Variants in AGRN observed in about 807,000 individuals in gnomAD.
AGRN encodes agrin, also known as agrin proteoglycan.
A neutral mutation model predicts 211.0 loss-of-function variants in AGRN; 106 were observed. The ratio of observed to expected loss-of-function variants is 0.50; its 90% CI spans 0.43 to 0.59. AGRN has a LOEUF of 0.59. Ranked by LOEUF, AGRN falls within the 20% of genes least tolerant of loss-of-function variation. The pLI is 0.00. For synonymous variants in AGRN, 1,525 were observed against 1,332.5 expected (o/e 1.14, Z -3.15); for missense variants, 3,040 against 2,982.6 (o/e 1.02, Z -0.45).
intron 2 of AGRN, among the ~76,000 whole-genome samples, chr1:1,026,826 C>T (rs1034076024): frequency 6.6e-6 from 1 of 152,218 alleles, no homozygotes; most frequent in Non-Finnish European, 1.5e-5. Context: ...TGAGATATCA[C>T]CCCATGGACA....
chr1:1,050,744 C>T lies in AGRN; in HGVS notation c.5160C>T (p.Thr1720=), dbSNP rs758276484. ...AAVIRSREPV[T]LGAWTRVSLE... is the part of the protein sequence containing the mutation. ...TCACCAGGAGCAGGGAGCCAGTCAC[C>T]CTGGGAGCCTGGACCAGGGTCTCAC... The change falls in exon 30 of 36, where the codon ACC becomes ACT. Residue 1720 remains threonine, a synonymous_variant. Coordinates refer to ENST00000379370, the MANE Select transcript of AGRN (RefSeq NM_198576.4). The T allele has an allele frequency of 1.4e-5, 22 of 1,602,936 alleles. No individual in the cohort carries two copies. Among genetic ancestry groups the T allele is most frequent in the Admixed American group, 1.7e-5 (1 of 59,072 alleles).
intron 33 of AGRN, chr1:1,052,872 TGG>T (rs1328193925): frequency 2.6e-5 from 4 of 155,398 alleles, no homozygotes; most frequent in African/African-American, 9.9e-5. Flanking sequence ...TGTGTATATG[TGG>T]GGGAGACAGG....
At chr1:1,054,740 GC>G in intron 35 of AGRN, 83 bp from the exon 36 acceptor site, 1 of 1,522,616 alleles carries the variant, frequency 6.6e-7, no homozygotes, top group Non-Finnish European at 8.8e-7. Flanking sequence ...CCAGGTGTGG[GC>G]CCCCTGCTGG....
chr1:1,043,781 AGCCTGG>A, intron 9 of AGRN, 36 bp from the exon 10 acceptor site: 3 of 1,606,328 alleles, frequency 1.9e-6, no homozygotes, highest in Non-Finnish European at 2.5e-6. Flanking sequence ...TGCCTCCCTC[AGCCTGG>A]GCCTGCCGAC....
At chr1:1,040,395 G>A (rs920963227) in intron 3 of AGRN, among the ~76,000 whole-genome samples, 3 of 152,178 alleles carry the variant, frequency 2.0e-5, no homozygotes, top group Non-Finnish European at 4.4e-5. Flanking sequence ...TGCGGCAGAC[G>A]CCCCTCTCCG....
At chr1:1,022,580 C>G in intron 2 of AGRN, 118 bp downstream of exon 2, 1 of 466,278 alleles carries the variant, frequency 2.1e-6, no homozygotes, top group Non-Finnish European at 3.1e-6. Flanking sequence ...CTGCAGCACA[C>G]GGTGTCTTGT....
In AGRN at chr1:1,044,423, C is replaced by T; in HGVS notation, c.2238C>T (p.Ala746=). The T allele has an allele frequency of 6.2e-7, 1 of 1,610,572 alleles. No homozygotes were observed. The highest frequency in any genetic ancestry group is 8.5e-7 in the Non-Finnish European group (1 of 1,178,846). ...CACAGCGAGGGCTCTACGTAGCGGC[C>T]CAGGGAGCCTGCCGAGGTGAGCCGG... is the stretch of plus-strand genomic sequence containing the variant. ...CESQRGLYVA[A]QGACRGPTFA... The change falls in exon 12 of 36, where the codon GCC becomes GCT. Residue 746 remains alanine, a synonymous_variant. Transcript: ENST00000379370.
intron 7 of AGRN, among the ~76,000 whole-genome samples, chr1:1,042,507 A>G (rs1013878176): frequency 2.6e-5 from 4 of 152,136 alleles, no homozygotes; most frequent in Non-Finnish European, 5.9e-5. Flanking sequence ...CTCTTGGGAC[A>G]TGGGCAGCCG....
intron 2 of AGRN, among the ~76,000 whole-genome samples, chr1:1,027,962 G>GC (rs1644556078): frequency 1.3e-5 from 2 of 152,266 alleles, no homozygotes; most frequent in Admixed American, 1.3e-4. Context: ...GCCCACGGCC[G>GC]CCCCGGCCCA....
In AGRN at chr1:1,049,328, G is replaced by A. The variant is rs1160727997; in HGVS notation, c.4391G>A (p.Arg1464His). 6.3e-7 allele frequency: 1 copy of A among 1,598,068 alleles called. No homozygotes were observed. The highest frequency in any genetic ancestry group is 8.5e-7 in the Non-Finnish European group (1 of 1,179,434). ...WHRLELSRHW[R>H]RGTLSVDGET... is the part of the protein sequence containing the mutation. Reference sequence around the variant, plus strand: ...CGCCTGGAGCTGTCCCGGCACTGGCGCCGGGGCACCCTCTCGGTGGATGGT... The same window carrying A: ...CGCCTGGAGCTGTCCCGGCACTGGCACCGGGGCACCCTCTCGGTGGATGGT... Residue 1464 changes from arginine to histidine, a missense_variant, in exon 25 of 36, where the codon CGC becomes CAC. By Grantham distance (29) the Arg-to-His change is conservative. This residue lies in a region of AGRN where 1,537 missense variants were observed against 1,505.0 expected (regional missense o/e 1.02). Transcript: ENST00000379370.
At chr1:1,037,165 G>A (rs1222672253) in intron 3 of AGRN, among the ~76,000 whole-genome samples, 1 of 152,182 alleles carries the variant, frequency 6.6e-6, no homozygotes, top group Non-Finnish European at 1.5e-5. Flanking sequence ...GCTGGGGCCG[G>A]GCAGGGCCAG....
In AGRN at chr1:1,034,105, C is replaced by T. The variant is rs895713611; in HGVS notation, c.464-1172C>T. The stretch of plus-strand genomic sequence containing the variant: ...CTCCCGACGCGGCCGCCCCTCCTGC[C>T]TGCCCGCTCCTATCGCCGCTTCCGC... On this transcript the variant is annotated intron_variant, in intron 2 of 35. Transcript: ENST00000379370. The T allele has an allele frequency of 6.1e-6, 6 of 984,942 alleles. No individual in the cohort carries two copies. The African/African-American group carries it at 8.7e-5, about 14-fold the overall frequency. The allele number at this position is 984,942 out of a possible 1,614,324, so 61.0% of individuals were successfully genotyped here. A position where few individuals can be genotyped will look rare whatever the true frequency, so the allele number is the denominator to read the frequency against.
rs909356011 is a variant in AGRN at position 1,051,506 on chromosome 1, G to A, written c.5424G>A (p.Val1808=). ...CCCCGGAGCACGTGCTGCGGCAGGT[G>A]GACGTCACGTCCTTTGCAGGTCACC... ...LLTPEHVLRQ[V]DVTSFAGHPC... Residue 1808 remains valine, a synonymous_variant, in exon 32 of 36, where the codon GTG becomes GTA. Transcript: ENST00000379370. 2 of 1,566,882 alleles carry A rather than the reference G, an allele frequency of 1.3e-6. No homozygotes were observed. The highest frequency in any genetic ancestry group is 1.7e-6 in the Non-Finnish European group (2 of 1,159,184).
chr1:1,041,520 G>T lies in AGRN; in HGVS notation c.995G>T (p.Arg332Leu), dbSNP rs762223640. 3.1e-6 allele frequency: 5 copies of T among 1,602,074 alleles called. No individual in the cohort carries two copies. The Admixed American group carries it at 5.0e-5, about 16-fold the overall frequency. Residue 332 changes from arginine (R) to leucine (L), a missense_variant, in exon 6 of 36, where the codon CGT becomes CTT. By Grantham distance (102) the Arg-to-Leu change is moderately radical. Around this residue, in one of 3 missense-constraint regions of AGRN, gnomAD observed 1,498 missense variants for 1,457.8 expected, o/e 1.03. Transcript: ENST00000379370. ...CTCCCTGACCCGAGCCGCAGCTGCC[G>T]TGTGAACCCGCGCACGCGGCGCCCT... ...GALPDPSRSCRVNPRTRRPEM... is the reference protein window; with the variant it reads ...GALPDPSRSCLVNPRTRRPEM...
At chr1:1,034,570 G>GCTGGCGCGGGACACCCGGCAGCCGC in intron 2 of AGRN, 1 of 986,408 alleles carries the variant, frequency 1.0e-6, no homozygotes, top group Non-Finnish European at 1.2e-6. Flanking sequence ...CTCCGCTGCC[G>GCTGGCGCGGGACACCCGGCAGCCGC]CTGGCGCGGG....
At chr1:1,025,301 G>A (rs144619388) in intron 2 of AGRN, among the ~76,000 whole-genome samples, 2,354 of 152,226 alleles carry the variant, frequency 0.015, 52 homozygotes, top group African/African-American at 0.054. Context: ...GTATTCCGGC[G>A]TGTGCACCCT....
At chr1:1,027,486 C>G (rs1644545825) in intron 2 of AGRN, among the ~76,000 whole-genome samples, 1 of 152,192 alleles carries the variant, frequency 6.6e-6, no homozygotes, top group Non-Finnish European at 1.5e-5. Context: ...CCTCAGCTTG[C>G]TGTTGGTTGT....
Position 1,043,962 on chromosome 1 carries a change from G to A in AGRN, c.1938G>A (p.Arg646=). ...GVTYGSACEL[R]EAACLQQTQI... is the part of the protein sequence containing the mutation. ...CCTACGGCAGTGCCTGCGAGCTACG[G>A]GAAGCCGCCTGCCTCCAGCAGACAC... The change falls in exon 10 of 36, where the codon CGG becomes CGA. Residue 646 remains arginine, a synonymous_variant. Transcript: ENST00000379370. 6.2e-7 allele frequency: 1 copy of A among 1,606,080 alleles called. No individual in the cohort carries two copies. The highest frequency in any genetic ancestry group is 8.5e-7 in the Non-Finnish European group (1 of 1,178,836).
chr1:1,036,594 G>A (rs1035280899), intron 3 of AGRN, among the ~76,000 whole-genome samples: 6 of 152,262 alleles, frequency 3.9e-5, no homozygotes, highest in African/African-American at 1.4e-4. Context: ...CTGGGCCTGG[G>A]GTGAGGAGCT....
Sources: gnomAD v4.1 joint callset for allele counts (sites outside exome capture counted in the v4.1 genomes callset) on GRCh38, gnomAD v4.1.1 for gene constraint, gnomAD v4.1.1 regional missense constraint, MANE v1.5 for transcripts, NCBI Gene and HGNC (gene_info 2026-07-23, HGNC 2026-07-21) for gene names.